PDE4B: variants seen among roughly 807,000 people sequenced by gnomAD.
PDE4B encodes the protein 3',5'-cyclic-AMP phosphodiesterase 4B.
In PDE4B, 20 loss-of-function variants were observed where a neutral mutation model predicts 82.2. That is an observed-to-expected ratio of 0.24 (90% CI 0.17 to 0.35). The LOEUF is 0.35. Ranked by LOEUF, PDE4B falls within the 10% of genes least tolerant of loss-of-function variation. PDE4B has a pLI of 1.00. For missense variants in PDE4B, 655 were observed against 907.2 expected (o/e 0.72, Z 3.57); for synonymous variants, 320 against 318.9 (o/e 1.00, Z -0.04).
intron 3 of PDE4B, among the ~76,000 whole-genome samples, chr1:66,169,898 T>C (rs1646807489): frequency 6.6e-6 from 1 of 152,210 alleles, no homozygotes; most frequent in Non-Finnish European, 1.5e-5. Flanking sequence ...ATTGATTTTC[T>C]CACTGATTTC....
intron 7 of PDE4B, among the ~76,000 whole-genome samples, chr1:66,288,461 G>A (rs1167611869): frequency 1.3e-5 from 2 of 152,104 alleles, no homozygotes; most frequent in African/African-American, 4.8e-5. Context: ...ATGAATATTT[G>A]TATAGTTCTT....
intron 1 of PDE4B, among the ~76,000 whole-genome samples, chr1:65,873,988 A>C (rs1018139528): frequency 4.0e-5 from 6 of 150,514 alleles, no homozygotes; most frequent in African/African-American, 1.5e-4. Context: ...ATGGCATTGA[A>C]TCTGTAAATT....
At chr1:65,992,763 A>C in intron 3 of PDE4B, 11 of 1,401,948 alleles carry the variant, frequency 7.8e-6, no homozygotes, top group Non-Finnish European at 1.0e-5. Flanking sequence ...TCTTGCTCTA[A>C]GACGCTCATA....
In PDE4B at chr1:66,372,393, C is replaced by T. The variant is rs79722858; in HGVS notation, c.1926C>T (p.Leu642=). ...TACAGCCTGATGCTCAGGACATTCT[C>T]GATACCTTAGAAGATAACAGGAACT... is the stretch of plus-strand genomic sequence containing the variant. The part of the protein sequence containing the change: ...DLVQPDAQDI[L]DTLEDNRNWY... Residue 642 remains leucine (L), a synonymous_variant, in exon 17 of 17, where the codon CTC becomes CTT. Transcript: ENST00000341517. The T allele has an allele frequency of 0.01, 16,321 of 1,613,972 alleles. 128 individuals carry two copies. Among genetic ancestry groups the T allele is most frequent in the Non-Finnish European group, 0.011 (13,563 of 1,179,902 alleles).
intron 3 of PDE4B, among the ~76,000 whole-genome samples, chr1:66,161,853 A>G (rs1364705015): frequency 6.6e-6 from 1 of 152,206 alleles, no homozygotes. Context: ...ATTTACAACC[A>G]AACATGTCTG....
chr1:66,276,866 G>C (rs1655914017), intron 7 of PDE4B, among the ~76,000 whole-genome samples: 1 of 152,118 alleles, frequency 6.6e-6, no homozygotes, highest in Admixed American at 6.5e-5. Flanking sequence ...CTGTAAAAAT[G>C]GGAATAATAC....
intron 1 of PDE4B, among the ~76,000 whole-genome samples, chr1:65,889,510 T>TAA (rs34914522): frequency 4.0e-5 from 6 of 151,854 alleles, no homozygotes; most frequent in Non-Finnish European, 7.4e-5. Flanking sequence ...AGCTAATTGC[T>TAA]AAAAAAATAA....
At chr1:65,849,607 C>T (rs1646307176) in intron 1 of PDE4B, among the ~76,000 whole-genome samples, 2 of 152,188 alleles carry the variant, frequency 1.3e-5, no homozygotes, top group South Asian at 4.2e-4. Flanking sequence ...AGGAAGCTTC[C>T]CTGCCAGTGG....
chr1:66,187,949 C>T (rs965064925), intron 3 of PDE4B, among the ~76,000 whole-genome samples: 2 of 150,522 alleles, frequency 1.3e-5, no homozygotes, highest in African/African-American at 4.9e-5. Context: ...TTAGATCTTT[C>T]CTGCTTTCTC....
chr1:66,285,142 G>A (rs1656579340), intron 7 of PDE4B, among the ~76,000 whole-genome samples: 1 of 152,114 alleles, frequency 6.6e-6, no homozygotes, highest in Non-Finnish European at 1.5e-5. Flanking sequence ...TAGCATGGTG[G>A]TAGGGCATTT....
At chr1:66,243,512 C>G (rs1653051889) in intron 3 of PDE4B, among the ~76,000 whole-genome samples, 1 of 152,080 alleles carries the variant, frequency 6.6e-6, no homozygotes, top group Admixed American at 6.5e-5. Flanking sequence ...TGATAAAGTA[C>G]TATGGTAAAG....
At chr1:65,819,927 G>A (rs990898003) in intron 1 of PDE4B, among the ~76,000 whole-genome samples, 1 of 152,170 alleles carries the variant, frequency 6.6e-6, no homozygotes, top group African/African-American at 2.4e-5. Context: ...ATCATGTTAC[G>A]AATTCACAAG....
intron 7 of PDE4B, among the ~76,000 whole-genome samples, chr1:66,294,313 C>T (rs995047933): frequency 2.0e-5 from 3 of 152,148 alleles, no homozygotes; most frequent in Admixed American, 2.0e-4. Context: ...AAGGATAAAT[C>T]ATTATGGCTT....
chr1:66,190,892 A>T (rs1366152561), intron 3 of PDE4B, among the ~76,000 whole-genome samples: 1 of 152,050 alleles, frequency 6.6e-6, no homozygotes, highest in East Asian at 1.9e-4. Flanking sequence ...CCGGTACCTC[A>T]GTTGGTAATG....
At position 66,372,520 on chromosome 1, in the gene PDE4B, G is replaced by A. The variant is rs754691424; in HGVS notation, c.2053G>A (p.Asp685Asn). 18 of 1,614,132 alleles carry A rather than the reference G, an allele frequency of 1.1e-5. No homozygotes were observed. The highest frequency in any genetic ancestry group is 1.5e-5 in the Non-Finnish European group (18 of 1,180,016). Residue 685 changes from aspartate (D) to asparagine (N), a missense_variant, in exon 17 of 17, where the codon GAT becomes AAT. By Grantham distance (23) the Asp-to-Asn change is conservative. Coordinates refer to ENST00000341517, the MANE Select transcript of PDE4B (RefSeq NM_002600.4). ...MEKFQFELTL[D>N]EEDSEGPEKE... ...GAAGTTTCAGTTTGAACTGACTCTC[G>A]ATGAGGAAGATTCTGAAGGACCTGA... is the stretch of plus-strand genomic sequence containing the variant.
intron 3 of PDE4B, among the ~76,000 whole-genome samples, chr1:66,074,691 T>C (rs1656327355): frequency 2.8e-5 from 1 of 35,196 alleles, no homozygotes; most frequent in African/African-American, 1.1e-4. Flanking sequence ...TCTCTCTATA[T>C]GAATTTGCTT....
chr1:65,845,393 C>T (rs1646256734), intron 1 of PDE4B, among the ~76,000 whole-genome samples: 2 of 152,178 alleles, frequency 1.3e-5, no homozygotes, highest in South Asian at 2.1e-4. Flanking sequence ...TTCCTAGCCA[C>T]TTCTCAGTTA....
intron 7 of PDE4B, among the ~76,000 whole-genome samples, chr1:66,323,454 T>C (rs1056025755): frequency 2.6e-5 from 4 of 152,332 alleles, no homozygotes; most frequent in African/African-American, 9.6e-5. Flanking sequence ...ATTATTTTTC[T>C]ATTCCTCTTA....
At chr1:66,164,986 C>A (rs1219382681) in intron 3 of PDE4B, among the ~76,000 whole-genome samples, 2 of 152,024 alleles carry the variant, frequency 1.3e-5, no homozygotes, top group Non-Finnish European at 2.9e-5. Flanking sequence ...TGGTCTCGAT[C>A]TCCTGACCTT....
Sources: allele counts gnomAD v4.1 joint callset (sites outside exome capture counted in the v4.1 genomes callset), GRCh38; gene constraint gnomAD v4.1.1; transcripts MANE v1.5; gene names NCBI Gene and HGNC (gene_info 2026-07-23, HGNC 2026-07-21).